Variants in CCDC60 observed in about 807,000 individuals in gnomAD.
The protein encoded by CCDC60 is coiled-coil domain-containing protein 60.
A neutral mutation model predicts 63.5 loss-of-function variants in CCDC60; 54 were observed. That is an observed-to-expected ratio of 0.85 (90% CI 0.68 to 1.07). The LOEUF (loss-of-function observed/expected upper bound fraction) is 1.07, where lower values mean the gene tolerates loss of function less well. Among genes scored for constraint, CCDC60 ranks in the 50% least tolerant of loss-of-function variants. CCDC60 has a pLI of 0.00. For synonymous variants in CCDC60, 206 were observed against 238.8 expected (o/e 0.86, Z 1.27); for missense variants, 651 against 684.3 (o/e 0.95, Z 0.54).
At chr12:119,445,269 A>G (rs1950521443) in intron 2 of CCDC60, among the ~76,000 whole-genome samples, 2 of 151,748 alleles carry the variant, frequency 1.3e-5, no homozygotes, top group African/African-American at 4.8e-5. Context: ...CCCCGTCTCT[A>G]CTAAAAATAC....
intron 2 of CCDC60, among the ~76,000 whole-genome samples, chr12:119,430,258 T>C (rs1950204827): frequency 2.6e-5 from 4 of 151,992 alleles, no homozygotes; most frequent in African/African-American, 9.7e-5. Flanking sequence ...TGTAATTTTT[T>C]TGGAGATACA....
chr12:119,469,936 A>G (rs1951024054), intron 2 of CCDC60, among the ~76,000 whole-genome samples: 1 of 152,240 alleles, frequency 6.6e-6, no homozygotes, highest in Non-Finnish European at 1.5e-5. Context: ...GAAAACTCAG[A>G]CATTTGCAGA....
In CCDC60 at chr12:119,406,991, C is replaced by T. The variant is rs576658184; in HGVS notation, c.91-21692C>T. On this transcript the variant is annotated intron_variant, in intron 1 of 13. Coordinates refer to ENST00000327554, the MANE Select transcript of CCDC60 (RefSeq NM_178499.5). ...CTGGCTGGAAATACCACTTTAGGGA[C>T]AGCTAAGGACAAATATCTTCTTGTC... 1.3e-5 allele frequency among the ~76,000 whole-genome samples: 2 copies of T among 152,272 alleles called. 1 individual carries two copies. The highest frequency in any genetic ancestry group is 4.1e-4 in the South Asian group (2 of 4,820).
At chr12:119,432,637 A>T (rs2136240360) in intron 2 of CCDC60, among the ~76,000 whole-genome samples, 1 of 152,304 alleles carries the variant, frequency 6.6e-6, no homozygotes, top group Middle Eastern at 3.4e-3. Flanking sequence ...ACGCCAATAG[A>T]TGCCTTGACC....
chr12:119,470,476 A>G (rs991179789), intron 2 of CCDC60, among the ~76,000 whole-genome samples: 5 of 152,228 alleles, frequency 3.3e-5, no homozygotes, highest in African/African-American at 4.8e-5. Flanking sequence ...GATTTGAAAA[A>G]TGCTGGAAAA....
At chr12:119,433,242 AATAGAGGGGATTAATTATTAATAAAAG>A in intron 2 of CCDC60, 1 of 609,444 alleles carries the variant, frequency 1.6e-6, no homozygotes, top group African/African-American at 1.8e-5. Context: ...GACCCAGTAG[AATAGAGGGGATTAATTATTAATAAAAG>A]GTGATACAGG....
intron 1 of CCDC60, among the ~76,000 whole-genome samples, chr12:119,415,930 A>C (rs552392739): frequency 6.6e-6 from 1 of 152,280 alleles, no homozygotes; most frequent in Non-Finnish European, 1.5e-5. Flanking sequence ...CCTGGATTAG[A>C]TAAGGGGAGG....
At chr12:119,522,846 C>A in intron 9 of CCDC60, 93 bp from the exon 10 acceptor site, 1 of 1,089,072 alleles carries the variant, frequency 9.2e-7, no homozygotes, top group Non-Finnish European at 1.4e-6. Flanking sequence ...ATGCCTGAAT[C>A]CTGGAAGCTA....
intron 1 of CCDC60, among the ~76,000 whole-genome samples, chr12:119,344,925 G>A (rs2136146588): frequency 7.0e-6 from 1 of 142,610 alleles, no homozygotes; most frequent in South Asian, 2.3e-4. Context: ...TTCAATGTCA[G>A]CTTTAATATC....
chr12:119,451,793 G>A (rs1012566601), intron 2 of CCDC60, among the ~76,000 whole-genome samples: 1 of 152,178 alleles, frequency 6.6e-6, no homozygotes. Context: ...ACATGGAAAT[G>A]GGATTGGCAA....
intron 2 of CCDC60, among the ~76,000 whole-genome samples, chr12:119,449,479 C>T (rs1305213562): frequency 6.6e-6 from 1 of 152,166 alleles, no homozygotes; most frequent in Non-Finnish European, 1.5e-5. Flanking sequence ...AGTCCTATAA[C>T]CTGCTCCATC....
At chr12:119,423,186 G>C (rs1054996556) in intron 1 of CCDC60, among the ~76,000 whole-genome samples, 1 of 152,068 alleles carries the variant, frequency 6.6e-6, no homozygotes, top group Non-Finnish European at 1.5e-5. Flanking sequence ...ACAATTTTTG[G>C]GGGGGCGAGG....
At chr12:119,367,259 A>G (rs2136171804) in intron 1 of CCDC60, among the ~76,000 whole-genome samples, 1 of 152,342 alleles carries the variant, frequency 6.6e-6, no homozygotes, top group African/African-American at 2.4e-5. Flanking sequence ...AGCCAAAGAA[A>G]CTGAAGCACA....
intron 6 of CCDC60, 29 bp from the exon 7 acceptor site, chr12:119,505,040 G>T: frequency 6.6e-7 from 1 of 1,508,374 alleles, no homozygotes; most frequent in Non-Finnish European, 9.0e-7. Flanking sequence ...CCTCCTTCCT[G>T]AAACCTCTCT....
chr12:119,435,041 G>A (rs1473761634), intron 2 of CCDC60, among the ~76,000 whole-genome samples: 1 of 152,200 alleles, frequency 6.6e-6, no homozygotes, highest in Non-Finnish European at 1.5e-5. Context: ...GGGAGAAGTG[G>A]ATGGATTCAG....
chr12:119,455,160 T>C (rs1420865477), intron 2 of CCDC60, among the ~76,000 whole-genome samples: 2 of 152,232 alleles, frequency 1.3e-5, no homozygotes, highest in African/African-American at 4.8e-5. Context: ...GTTGTTAATC[T>C]AGGCATATTG....
chr12:119,460,614 GGTCT>G (rs1405187979), intron 2 of CCDC60, among the ~76,000 whole-genome samples: 2 of 152,176 alleles, frequency 1.3e-5, no homozygotes, highest in African/African-American at 4.8e-5. Context: ...GGTTCAGAAA[GGTCT>G]GTTCAATGTC....
intron 1 of CCDC60, among the ~76,000 whole-genome samples, chr12:119,338,753 C>T (rs754331363): frequency 6.6e-6 from 1 of 152,088 alleles, no homozygotes; most frequent in African/African-American, 2.4e-5. Flanking sequence ...CCAGGCGGCC[C>T]GGTAAGTGTC....
chr12:119,531,206 C>T (rs1847431127), intron 13 of CCDC60, 143 bp downstream of exon 13: 1 of 700,740 alleles, frequency 1.4e-6, no homozygotes, highest in African/African-American at 1.8e-5. Context: ...AGGGATTGTC[C>T]CATTACCTGG....
Sources: gnomAD v4.1 joint callset for allele counts (sites outside exome capture counted in the v4.1 genomes callset) on GRCh38, gnomAD v4.1.1 for gene constraint, MANE v1.5 for transcripts, NCBI Gene and HGNC (gene_info 2026-07-23, HGNC 2026-07-21) for gene names.